The following IL1RAPL2 variants were observed in gnomAD, a reference collection of about 807,000 sequenced individuals.
IL1RAPL2 encodes the protein interleukin 1 receptor accessory protein like 2.
A neutral mutation model predicts 44.1 loss-of-function variants in IL1RAPL2; 3 were observed. The ratio of observed to expected loss-of-function variants is 0.07; its 90% CI spans 0.03 to 0.18. IL1RAPL2 has a LOEUF of 0.18. Ranked by LOEUF, IL1RAPL2 falls within the 10% of genes least tolerant of loss-of-function variation. The pLI, the probability that IL1RAPL2 is intolerant of heterozygous loss-of-function variation, is 1.00. For synonymous variants in IL1RAPL2, 181 were observed against 178.8 expected (o/e 1.01, Z -0.10); for missense variants, 391 against 496.4 (o/e 0.79, Z 2.02).
intron 1 of IL1RAPL2, among the ~76,000 whole-genome samples, chrX:104,656,654 G>C (rs1456523423): frequency 1.8e-5 from 2 of 111,865 alleles, no homozygotes; most frequent in African/African-American, 6.5e-5. Context: ...ATATTCTGTT[G>C]ATTTGGGGTG....
At chrX:104,731,212 C>T (rs1427834906) in intron 2 of IL1RAPL2, among the ~76,000 whole-genome samples, 1 of 109,382 alleles carries the variant, frequency 9.1e-6, no homozygotes. Flanking sequence ...TGCAGAAGCT[C>T]TTTAGTTTAA....
chrX:105,399,377 A>G (rs779736963), intron 5 of IL1RAPL2, among the ~76,000 whole-genome samples: 1 of 111,155 alleles, frequency 9.0e-6, no homozygotes, highest in Non-Finnish European at 1.9e-5. Context: ...AACATTACCT[A>G]TACCTCTCAA....
chrX:105,555,287 C>T (rs1490167184), intron 6 of IL1RAPL2, among the ~76,000 whole-genome samples: 1 of 110,981 alleles, frequency 9.0e-6, no homozygotes, highest in Non-Finnish European at 1.9e-5. Flanking sequence ...GGCGAACATG[C>T]TCTATTTGGG....
At chrX:104,598,143 GTAAT>G (rs1378508220) in intron 1 of IL1RAPL2, among the ~76,000 whole-genome samples, 1 of 112,178 alleles carries the variant, frequency 8.9e-6, no homozygotes, top group Non-Finnish European at 1.9e-5. Context: ...TATACTTATG[GTAAT>G]TAATTCTAGC....
intron 5 of IL1RAPL2, among the ~76,000 whole-genome samples, chrX:105,273,981 C>T (rs2034466592): frequency 9.0e-6 from 1 of 111,538 alleles, no homozygotes. Context: ...CAGATATAAA[C>T]CTAGGTCTTT....
chrX:105,622,501 C>T (rs2037426927), intron 6 of IL1RAPL2, among the ~76,000 whole-genome samples: 2 of 110,139 alleles, frequency 1.8e-5, no homozygotes, highest in African/African-American at 6.6e-5. Flanking sequence ...TGTTGTATTT[C>T]AGTTATTATC....
At chrX:104,730,319 C>T (rs1390534093) in intron 2 of IL1RAPL2, among the ~76,000 whole-genome samples, 1 of 100,924 alleles carries the variant, frequency 9.9e-6, no homozygotes. Context: ...GTGTGCTGCA[C>T]CCATTAACTC....
intron 3 of IL1RAPL2, among the ~76,000 whole-genome samples, chrX:105,207,195 A>C (rs1333237302): frequency 9.0e-6 from 1 of 111,164 alleles, no homozygotes; most frequent in Non-Finnish European, 1.9e-5. Context: ...TTCATTAAAC[A>C]AATATTTATT....
At chrX:105,256,472 G>A (rs1405569306) in intron 4 of IL1RAPL2, among the ~76,000 whole-genome samples, 1 of 109,606 alleles carries the variant, frequency 9.1e-6, no homozygotes, top group African/African-American at 3.3e-5. Flanking sequence ...GGGATTACAG[G>A]TGCCTGCCAC....
At chrX:104,694,545 G>T in intron 2 of IL1RAPL2, among the ~76,000 whole-genome samples, 1 of 112,068 alleles carries the variant, frequency 8.9e-6, no homozygotes, top group African/African-American at 3.2e-5. Flanking sequence ...ATCTAGAAAT[G>T]AGAGGGGTAA....
At chrX:104,842,410 T>C (rs900847984) in intron 2 of IL1RAPL2, among the ~76,000 whole-genome samples, 7 of 111,183 alleles carry the variant, frequency 6.3e-5, no homozygotes, top group African/African-American at 9.8e-5. Flanking sequence ...AATCTCATTC[T>C]CCTTCCAGTT....
At chrX:104,602,251 C>A in intron 1 of IL1RAPL2, among the ~76,000 whole-genome samples, 1 of 111,430 alleles carries the variant, frequency 9.0e-6, no homozygotes, top group East Asian at 2.9e-4. Flanking sequence ...TTCTCCCCTA[C>A]CCAAGGGAAG....
At chrX:104,879,959 CAATT>C (rs1181003825) in intron 2 of IL1RAPL2, among the ~76,000 whole-genome samples, 1 of 111,162 alleles carries the variant, frequency 9.0e-6, no homozygotes, top group African/African-American at 3.3e-5. Flanking sequence ...GCCAACTTGA[CAATT>C]AATTAGGGTA....
intron 4 of IL1RAPL2, among the ~76,000 whole-genome samples, chrX:105,243,950 GATTTGT>G (rs2034197712): frequency 9.0e-6 from 1 of 111,631 alleles, no homozygotes; most frequent in African/African-American, 3.3e-5. Context: ...AGTTGCTTAA[GATTTGT>G]ATTTGCCTTT....
At chrX:105,730,066 T>C (rs1417462167) in intron 7 of IL1RAPL2, among the ~76,000 whole-genome samples, 1 of 111,112 alleles carries the variant, frequency 9.0e-6, no homozygotes, top group Non-Finnish European at 1.9e-5. Context: ...TTAAAAGATA[T>C]AGATTGGCTG....
At chrX:105,025,601 C>A (rs1569363543) in intron 2 of IL1RAPL2, among the ~76,000 whole-genome samples, 1 of 110,904 alleles carries the variant, frequency 9.0e-6, no homozygotes, top group African/African-American at 3.3e-5. Flanking sequence ...TTTCTTAAAG[C>A]ACAAAGAACC....
At chrX:104,569,152 C>T (rs1281748202) in intron 1 of IL1RAPL2, among the ~76,000 whole-genome samples, 3 of 112,189 alleles carry the variant, frequency 2.7e-5, no homozygotes, top group Admixed American at 9.4e-5. Context: ...TAGGTCAAGG[C>T]CAGACCTTTG....
intron 10 of IL1RAPL2, among the ~76,000 whole-genome samples, chrX:105,759,770 G>A (rs756279632): frequency 1.5e-4 from 17 of 112,110 alleles, no homozygotes; most frequent in Admixed American, 9.5e-4. Flanking sequence ...CAAATGACTA[G>A]AGAATACATC....
chrX:104,772,622 T>A (rs1455525714), intron 2 of IL1RAPL2, among the ~76,000 whole-genome samples: 9 of 112,094 alleles, frequency 8.0e-5, no homozygotes, highest in Non-Finnish European at 1.9e-5. Flanking sequence ...AATTTCCACA[T>A]GTTTAAAGCA....
Sources: gnomAD v4.1 joint callset for allele counts (sites outside exome capture counted in the v4.1 genomes callset) on GRCh38, gnomAD v4.1.1 for gene constraint, MANE v1.5 for transcripts, NCBI Gene and HGNC (gene_info 2026-07-23, HGNC 2026-07-21) for gene names.